Variants in KIF13A observed in about 807,000 individuals in gnomAD.
The protein encoded by KIF13A is kinesin-like protein KIF13A.
Under a neutral mutation model 212.2 loss-of-function variants are expected in KIF13A, and 79 were observed. That is an observed-to-expected ratio of 0.37 (90% CI 0.31 to 0.45). The LOEUF is 0.45. Ranked by LOEUF, KIF13A falls within the 20% of genes least tolerant of loss-of-function variation. The pLI is 1.00. For missense variants in KIF13A, 1,901 were observed against 2,209.0 expected, an observed-to-expected ratio of 0.86 and a Z score of 2.79; for synonymous variants, 789 against 808.6, an observed-to-expected ratio of 0.98 and a Z score of 0.41.
downstream of KIF13A, among the ~76,000 whole-genome samples, chr6:17,762,183 G>A (rs992214186): frequency 2.0e-5 from 3 of 151,824 alleles, no homozygotes; most frequent in Non-Finnish European, 4.4e-5. Flanking sequence ...GGAACTACAG[G>A]TGCAAGCCAC....
intron 2 of KIF13A, among the ~76,000 whole-genome samples, chr6:17,948,123 ATTTTGT>A (rs1196081041): frequency 6.6e-6 from 1 of 151,980 alleles, no homozygotes; most frequent in Non-Finnish European, 1.5e-5. Flanking sequence ...TTTCTATTCT[ATTTTGT>A]TTTTATTTTA....
chr6:17,942,115 A>C (rs1777005405), intron 2 of KIF13A, among the ~76,000 whole-genome samples: 1 of 151,988 alleles, frequency 6.6e-6, no homozygotes, highest in Admixed American at 6.6e-5. Flanking sequence ...AGCCTGGACA[A>C]CATGGCAAAA....
chr6:17,788,483 G>A (rs1761244446), intron 26 of KIF13A, among the ~76,000 whole-genome samples: 1 of 152,180 alleles, frequency 6.6e-6, no homozygotes, highest in Non-Finnish European at 1.5e-5. Context: ...GGACTGCACT[G>A]TGAAAAATGT....
chr6:17,967,381 A>G lies in KIF13A; in HGVS notation c.146+19673T>C, dbSNP rs968047162. Reference sequence around the variant, plus strand: ...CTGTATTTTACCTCTAATATCTTATATTTTCAAAGTGTTCAACAGTGAATG... The same window carrying G: ...CTGTATTTTACCTCTAATATCTTATGTTTTCAAAGTGTTCAACAGTGAATG... On this transcript the variant is annotated intron_variant, in intron 2 of 38. Coordinates refer to ENST00000259711, the MANE Select transcript of KIF13A (RefSeq NM_022113.6). The surrounding 1 kb of genome is among the most constrained non-coding windows in gnomAD (Gnocchi z 4.1). 2.6e-5 allele frequency among the ~76,000 whole-genome samples: 4 copies of G among 152,232 alleles called. No individual in the cohort carries two copies. The highest frequency in any genetic ancestry group is 5.9e-5 in the Non-Finnish European group (4 of 68,040).
At chr6:17,959,424 T>C (rs1252906117) in intron 2 of KIF13A, among the ~76,000 whole-genome samples, 2 of 152,208 alleles carry the variant, frequency 1.3e-5, no homozygotes, top group African/African-American at 4.8e-5. Flanking sequence ...AAATATTCCA[T>C]TGCCACCAAA....
At chr6:17,929,315 T>C (rs567360901) in intron 2 of KIF13A, among the ~76,000 whole-genome samples, 180 of 152,096 alleles carry the variant, frequency 1.2e-3, no homozygotes, top group Middle Eastern at 3.4e-3. Context: ...TCATAGCTCA[T>C]TGCAGCTTTG....
intron 2 of KIF13A, among the ~76,000 whole-genome samples, chr6:17,952,929 A>T (rs1415635079): frequency 2.8e-4 from 2 of 7,084 alleles, no homozygotes; most frequent in Non-Finnish European, 6.4e-4. Flanking sequence ...GACTGTCTCC[A>T]AAAAAAAAAA....
Position 17,781,275 on chromosome 6 carries a change from G to A in KIF13A, c.3571C>T (p.Leu1191Phe). 2 of 1,612,662 alleles carry A rather than the reference G, an allele frequency of 1.2e-6. No individual in the cohort carries two copies. Among genetic ancestry groups the A allele is most frequent in the East Asian group, 2.2e-5 (1 of 44,866 alleles). Reference sequence around the variant, plus strand: ...ACGCCGGATGCATGGGGGCCAACAAGCTGCTCATTGGCACTGAGGTCATCC... The same window carrying A: ...ACGCCGGATGCATGGGGGCCAACAAACTGCTCATTGGCACTGAGGTCATCC... ...NADDLSANEQLVGPHASGVNS... is the reference protein window; with the variant it reads ...NADDLSANEQFVGPHASGVNS... The change falls in exon 30 of 39, where the codon CTT becomes TTT. Residue 1191 changes from leucine to phenylalanine, a missense_variant. Leu to Phe is a conservative substitution (Grantham distance 22). This residue lies in a region of KIF13A where 687 missense variants were observed against 759.1 expected (regional missense o/e 0.90). Coordinates refer to ENST00000259711, the MANE Select transcript of KIF13A (RefSeq NM_022113.6).
chr6:17,937,180 C>T (rs1207820528), intron 2 of KIF13A, among the ~76,000 whole-genome samples: 5 of 152,130 alleles, frequency 3.3e-5, no homozygotes, highest in Non-Finnish European at 7.3e-5. Context: ...CCTGTCTATA[C>T]ATATATACAC....
At chr6:17,937,571 T>G (rs991961109) in intron 2 of KIF13A, among the ~76,000 whole-genome samples, 6 of 152,170 alleles carry the variant, frequency 3.9e-5, no homozygotes, top group African/African-American at 1.2e-4. Flanking sequence ...AATACAGCAT[T>G]GAAGTGATTT....
chr6:17,898,774 C>T lies in KIF13A; in HGVS notation c.147-594G>A, dbSNP rs951408818. On this transcript the variant is annotated intron_variant, in intron 2 of 38. Transcript: ENST00000259711. This position sits in a 1 kb window ranked among gnomAD's most constrained non-coding sequence, Gnocchi z 5.2. Reference sequence around the variant, plus strand: ...CACTTGTTAAAACGTTTGTTTTACACGTTAATAACTCAGAAATGACTGAAA... The same window carrying T: ...CACTTGTTAAAACGTTTGTTTTACATGTTAATAACTCAGAAATGACTGAAA... Among the ~76,000 whole-genome samples, 1 of 152,118 alleles carries T rather than the reference C, an allele frequency of 6.6e-6. No homozygotes were observed. The highest frequency in any genetic ancestry group is 2.4e-5 in the African/African-American group (1 of 41,418).
intron 3 of KIF13A, among the ~76,000 whole-genome samples, chr6:17,891,564 C>G (rs1772061009): frequency 6.6e-6 from 1 of 152,046 alleles, no homozygotes; most frequent in South Asian, 2.1e-4. Context: ...TTGAGACCAG[C>G]CTGAGCAACA....
chr6:17,985,752 CT>C (rs1781504123), intron 2 of KIF13A, among the ~76,000 whole-genome samples: 2 of 151,864 alleles, frequency 1.3e-5, no homozygotes, highest in African/African-American at 4.8e-5. Context: ...ACTATCTACA[CT>C]GCTATAAATG....
chr6:17,896,779 T>C (rs762819188), intron 3 of KIF13A, among the ~76,000 whole-genome samples: 4 of 152,206 alleles, frequency 2.6e-5, no homozygotes, highest in Admixed American at 6.5e-5. Context: ...CTCTTTTTCA[T>C]TTCAGTGCTT....
chr6:17,759,975 G>C (rs1758514812), downstream of KIF13A: 1 of 151,466 alleles, frequency 6.6e-6, no homozygotes, highest in African/African-American at 2.4e-5. Context: ...AGGCAACTGT[G>C]GAGTCAGGAC....
Position 17,895,473 on chromosome 6 carries a change from G to A in KIF13A, c.159+2695C>T, listed in dbSNP as rs958471041. ...CCAATTTTTGTGCTTGAGATTTCCT[G>A]GATCATACAAATGGCTTGGAACCAC... On this transcript the variant is annotated intron_variant, in intron 3 of 38. Coordinates refer to ENST00000259711, the MANE Select transcript of KIF13A (RefSeq NM_022113.6). This position sits in a 1 kb window ranked among gnomAD's most constrained non-coding sequence, Gnocchi z 4.4. Among the ~76,000 whole-genome samples, 2 of 152,156 alleles carry A rather than the reference G, an allele frequency of 1.3e-5. No homozygotes were observed. The highest frequency in any genetic ancestry group is 2.9e-5 in the Non-Finnish European group (2 of 68,018).
At chr6:17,791,654 A>G (rs1761565367) in intron 25 of KIF13A, among the ~76,000 whole-genome samples, 1 of 152,068 alleles carries the variant, frequency 6.6e-6, no homozygotes, top group Non-Finnish European at 1.5e-5. Context: ...TAATCCCAGT[A>G]CTTTGGGAGG....
intron 2 of KIF13A, among the ~76,000 whole-genome samples, chr6:17,970,246 T>C (rs1030274910): frequency 6.6e-6 from 1 of 152,094 alleles, no homozygotes. Context: ...AAGGGATTCA[T>C]GCATGCTTTC....
Position 17,799,480 on chromosome 6 carries a change from T to A in KIF13A, c.2617-41A>T. On this transcript the variant is annotated intron_variant, in intron 21 of 38. Transcript: ENST00000259711. This position sits in a 1 kb window ranked among gnomAD's most constrained non-coding sequence, Gnocchi z 4.4. ...ATACAAATAAAACTCCAATGAACAC[T>A]AAACATTCTTTCATTTCAGCTACCT... The A allele has an allele frequency of 7.1e-7, 1 of 1,411,786 alleles. No individual in the cohort carries two copies. The highest frequency in any genetic ancestry group is 9.4e-7 in the Non-Finnish European group (1 of 1,058,572). 87.5% of individuals were successfully genotyped at this position (1,411,786 alleles called of 1,614,324 possible). A position where few individuals can be genotyped will look rare whatever the true frequency, so the allele number is the denominator to read the frequency against.
Sources: allele counts gnomAD v4.1 joint callset (sites outside exome capture counted in the v4.1 genomes callset), GRCh38; gene constraint gnomAD v4.1.1; regional missense constraint gnomAD v4.1.1; non-coding constraint Gnocchi (gnomAD v3.1); transcripts MANE v1.5; gene names NCBI Gene and HGNC (gene_info 2026-07-23, HGNC 2026-07-21).